The following ANKIB1 variants were observed in gnomAD, a reference collection of about 807,000 sequenced individuals.
The protein encoded by ANKIB1 is ankyrin repeat and IBR domain containing 1, also known as ankyrin repeat and IBR domain-containing protein 1.
ANKIB1 carries 43 observed loss-of-function variants against 122.1 expected under a neutral mutation model. The observed-to-expected ratio is 0.35, with a 90% CI of 0.28 to 0.45. ANKIB1 has a LOEUF of 0.45. ANKIB1 is among the 20% of genes least tolerant of loss of function. ANKIB1 has a pLI of 1.00. For missense variants in ANKIB1, 992 were observed against 1,329.5 expected, an observed-to-expected ratio of 0.75 and a Z score of 3.95; for synonymous variants, 390 against 442.0, an observed-to-expected ratio of 0.88 and a Z score of 1.48.
Position 92,295,373 on chromosome 7 carries a change from T to G in ANKIB1, c.188+207T>G, listed in dbSNP as rs192530113. Among the ~76,000 whole-genome samples the G allele has an allele frequency of 1.7e-4, 26 of 152,302 alleles. No homozygotes were observed. The East Asian group carries it at 5.0e-3, about 29-fold the overall frequency. ...CCTAAATATTTGATATCATTTTCTTTATTATGATTTAGTCAAATTTTCTTT... is the reference window on the plus strand; with the variant it reads ...CCTAAATATTTGATATCATTTTCTTGATTATGATTTAGTCAAATTTTCTTT... On this transcript the variant is annotated intron_variant, in intron 2 of 19. Coordinates refer to ENST00000265742, the MANE Select transcript of ANKIB1 (RefSeq NM_019004.2).
chr7:92,391,934 C>T (rs1277192568), intron 16 of ANKIB1, among the ~76,000 whole-genome samples: 2 of 151,970 alleles, frequency 1.3e-5, no homozygotes, highest in Admixed American at 6.6e-5. Flanking sequence ...ACATAAATTC[C>T]TTTGATCCTA....
At chr7:92,317,958 T>G (rs1585104500) in intron 3 of ANKIB1, among the ~76,000 whole-genome samples, 1 of 152,316 alleles carries the variant, frequency 6.6e-6, no homozygotes, top group African/African-American at 2.4e-5. Context: ...CACTTCGATT[T>G]ATATGATTAG....
intron 1 of ANKIB1, among the ~76,000 whole-genome samples, chr7:92,291,122 C>T (rs866233037): frequency 3.3e-5 from 5 of 152,014 alleles, no homozygotes; most frequent in South Asian, 2.1e-4. Context: ...GGCGAAACCC[C>T]GTCTCTACTA....
intron 3 of ANKIB1, among the ~76,000 whole-genome samples, chr7:92,310,215 G>A (rs1802662449): frequency 6.6e-6 from 1 of 151,796 alleles, no homozygotes; most frequent in Non-Finnish European, 1.5e-5. Flanking sequence ...TGCTTTAACT[G>A]TTTGACCTAT....
At chr7:92,383,304 C>T (rs1370123926) in intron 11 of ANKIB1, among the ~76,000 whole-genome samples, 1 of 152,136 alleles carries the variant, frequency 6.6e-6, no homozygotes, top group Admixed American at 6.5e-5. Flanking sequence ...CCAAATTGTA[C>T]CAGAGCTGCC....
intron 5 of ANKIB1, among the ~76,000 whole-genome samples, chr7:92,338,712 G>A (rs1803348883): frequency 6.6e-6 from 1 of 150,620 alleles, no homozygotes; most frequent in Non-Finnish European, 1.5e-5. Context: ...AGGAGTTCAA[G>A]ACCAGCCTGG....
chr7:92,389,378 T>C (rs972082405), intron 14 of ANKIB1, among the ~76,000 whole-genome samples: 3 of 152,062 alleles, frequency 2.0e-5, no homozygotes, highest in Non-Finnish European at 2.9e-5. Flanking sequence ...TAGACTGTTA[T>C]AATGATGTTC....
At chr7:92,328,286 ATACC>A (rs1210323224) in intron 5 of ANKIB1, among the ~76,000 whole-genome samples, 1 of 152,220 alleles carries the variant, frequency 6.6e-6, no homozygotes, top group Non-Finnish European at 1.5e-5. Flanking sequence ...GTTCAATTAA[ATACC>A]TAAGAATTGT....
chr7:92,388,139 T>C, intron 14 of ANKIB1, 98 bp downstream of exon 14: 1 of 1,132,634 alleles, frequency 8.8e-7, no homozygotes, highest in Non-Finnish European at 1.3e-6. Context: ...TACATTATGT[T>C]CATTAGCTTG....
rs1801418986 is a variant in ANKIB1, at chr7:92,255,569, A to G, written c.-91+9050A>G. ...TCTGCTTGCTTTAACTGAGAATCATATCCAGTTTGGTGACTGTAACTTCTG... is the reference window on the plus strand; with the variant it reads ...TCTGCTTGCTTTAACTGAGAATCATGTCCAGTTTGGTGACTGTAACTTCTG... On this transcript the variant is annotated intron_variant, in intron 1 of 19. Transcript: ENST00000265742. Among the ~76,000 whole-genome samples the G allele has an allele frequency of 2.0e-5, 3 of 152,180 alleles. No individual in the cohort carries two copies. In the South Asian group the frequency reaches 6.2e-4, roughly 32 times the overall value.
intron 1 of ANKIB1, among the ~76,000 whole-genome samples, chr7:92,281,125 A>G (rs1802004664): frequency 6.6e-6 from 1 of 152,254 alleles, no homozygotes; most frequent in Non-Finnish European, 1.5e-5. Context: ...TTCCCATGGA[A>G]TCATACAATA....
At position 92,345,067 on chromosome 7, in the gene ANKIB1, G is replaced by A. The variant is rs1471007928; in HGVS notation, c.1085+1G>A. On this transcript the variant is annotated splice_donor_variant, in intron 7 of 19. Coordinates refer to ENST00000265742, the MANE Select transcript of ANKIB1 (RefSeq NM_019004.2). LOFTEE classifies it high-confidence loss of function. ...ACTTTTGTAGAGGATGTTGGGAGTC[G>A]TGAGTATATGAGCACCTTAGCATCT... 3 of 1,606,456 alleles carry A rather than the reference G, an allele frequency of 1.9e-6. No individual in the cohort carries two copies. Among genetic ancestry groups the A allele is most frequent in the Non-Finnish European group, 8.5e-7 (1 of 1,173,552 alleles).
rs34399457 is a variant in ANKIB1, at chr7:92,280,450, A to ACC, written c.-90-14429_-90-14428dup. ...TAGGCTTAAGAAACGTTTGGAGGGC[A>ACC]CCCCCCCCCCCTTTTTTTCCTCTTG... On this transcript the variant is annotated intron_variant, in intron 1 of 19. Coordinates refer to ENST00000265742, the MANE Select transcript of ANKIB1 (RefSeq NM_019004.2). 3.3e-3 allele frequency among the ~76,000 whole-genome samples: 367 copies of ACC among 112,820 alleles called. 5 individuals are homozygous for ACC. In the East Asian group the frequency reaches 0.046, roughly 14 times the overall value. 74.0% of individuals were successfully genotyped at this position (112,820 alleles called of 152,430 possible).
At chr7:92,255,380 G>C (rs2131875742) in intron 1 of ANKIB1, among the ~76,000 whole-genome samples, 1 of 152,306 alleles carries the variant, frequency 6.6e-6, no homozygotes, top group East Asian at 1.9e-4. Flanking sequence ...CAAGTAATGA[G>C]AAATTAGAGG....
intron 3 of ANKIB1, among the ~76,000 whole-genome samples, chr7:92,315,741 T>A (rs1434614447): frequency 6.6e-6 from 1 of 152,200 alleles, no homozygotes; most frequent in Non-Finnish European, 1.5e-5. Flanking sequence ...AATGACTTTC[T>A]GGAATATTGT....
At chr7:92,392,653 C>T (rs1375902793) in intron 17 of ANKIB1, among the ~76,000 whole-genome samples, 1 of 151,930 alleles carries the variant, frequency 6.6e-6, no homozygotes, top group East Asian at 1.9e-4. Context: ...TATAAAAGAA[C>T]AATCCATTTT....
At chr7:92,251,931 G>A (rs78480597) in intron 1 of ANKIB1, among the ~76,000 whole-genome samples, 14,801 of 152,152 alleles carry the variant, frequency 0.097, 927 homozygotes, top group East Asian at 0.36. Flanking sequence ...ATGTCTGTTC[G>A]TAGTTCTTCA....
intron 7 of ANKIB1, 21 bp from the exon 8 acceptor site, chr7:92,350,928 GT>G: frequency 6.3e-7 from 1 of 1,580,636 alleles, no homozygotes. Context: ...CTCGTTTGAT[GT>G]GCATTGATCC....
intron 1 of ANKIB1, among the ~76,000 whole-genome samples, chr7:92,250,660 T>G (rs1801310891): frequency 6.6e-6 from 1 of 152,228 alleles, no homozygotes; most frequent in East Asian, 1.9e-4. Flanking sequence ...GAGTTTGATT[T>G]TGGCAACTAA....
Sources: gnomAD v4.1 joint callset for allele counts (sites outside exome capture counted in the v4.1 genomes callset) on GRCh38, gnomAD v4.1.1 for gene constraint, MANE v1.5 for transcripts, NCBI Gene and HGNC (gene_info 2026-07-23, HGNC 2026-07-21) for gene names.